Variants in RFC2 observed in about 807,000 individuals in gnomAD.
The protein encoded by RFC2 is A1 40 kDa subunit.
RFC2 carries 34 observed loss-of-function variants against 44.8 expected under a neutral mutation model. That is an observed-to-expected ratio of 0.76 (90% CI 0.58 to 1.01). The LOEUF (loss-of-function observed/expected upper bound fraction) is 1.01, where lower values mean the gene tolerates loss of function less well. RFC2 is among the 50% of genes least tolerant of loss of function. RFC2 has a pLI of 0.00. For synonymous variants in RFC2, 177 were observed against 168.9 expected, an observed-to-expected ratio of 1.05 and a Z score of -0.37; for missense variants, 400 against 453.6, an observed-to-expected ratio of 0.88 and a Z score of 1.07.
intron 10 of RFC2, 30 bp from the exon 11 acceptor site, chr7:74,232,246 TAATAAG>T: frequency 8.3e-7 from 1 of 1,207,132 alleles, no homozygotes; most frequent in Non-Finnish European, 1.2e-6. Flanking sequence ...CAAATCTGGT[TAATAAG>T]TGGGGGAGTT....
intron 5 of RFC2, 147 bp from the exon 6 acceptor site, chr7:74,243,393 A>G (rs1229205079): frequency 1.6e-6 from 1 of 617,242 alleles, no homozygotes; most frequent in African/African-American, 1.8e-5. Flanking sequence ...CTCTAATGCT[A>G]ACACCTGCAG....
chr7:74,235,474 A>G, intron 10 of RFC2, 58 bp downstream of exon 10: 1 of 1,081,164 alleles, frequency 9.2e-7, no homozygotes, highest in Non-Finnish European at 1.4e-6. Context: ...GGCCCACAGC[A>G]CCCGGCCACT....
chr7:74,239,016 A>T (rs781835057), intron 7 of RFC2, 28 bp from the exon 8 acceptor site: 19 of 1,582,912 alleles, frequency 1.2e-5, no homozygotes, highest in Non-Finnish European at 1.4e-5. Flanking sequence ...CATGTCAAGG[A>T]TGATTTTTAT....
chr7:74,254,259 C>G lies in RFC2; in HGVS notation c.113+12G>C, dbSNP rs1554721550. ...TCCAAACGCGCCCATTCTTTACGGC[C>G]TGGGACCTCACCACGGCAGTTCGTA... On this transcript the variant is annotated intron_variant, in intron 1 of 10. Transcript: ENST00000055077. The G allele has an allele frequency of 6.3e-7, 1 of 1,598,924 alleles. No individual in the cohort carries two copies. The highest frequency in any genetic ancestry group is 1.3e-5 in the African/African-American group (1 of 74,664).
At position 74,240,068 on chromosome 7, in the gene RFC2, AGGACTGCACAGCG is replaced by A. The variant is rs1554719033; in HGVS notation, c.550_562del (p.Arg184SerfsTer6). Reference sequence around the variant, plus strand: ...GGCGTCGGTCAGCTTTGTGTACCGGAGGACTGCACAGCGGGACTGAATGGGCTCTGAACAGAGA... The same window carrying A: ...GGCGTCGGTCAGCTTTGTGTACCGGAGGACTGAATGGGCTCTGAACAGAGA... On this transcript the variant is annotated frameshift_variant, in exon 7 of 11. Coordinates refer to ENST00000055077, the MANE Select transcript of RFC2 (RefSeq NM_181471.3). LOFTEE classifies it high-confidence loss of function. 1 of 1,614,040 alleles carries A rather than the reference AGGACTGCACAGCG, an allele frequency of 6.2e-7. No individual in the cohort carries two copies. The highest frequency in any genetic ancestry group is 1.3e-5 in the African/African-American group (1 of 75,022).
chr7:74,233,858 C>G (rs1477747914), intron 10 of RFC2: 1 of 456,448 alleles, frequency 2.2e-6, no homozygotes. Flanking sequence ...TGGGAATGCA[C>G]GTGCTGCAGC....
At chr7:74,240,521 A>AAGAG (rs1261911954) in intron 6 of RFC2, among the ~76,000 whole-genome samples, 59 of 146,956 alleles carry the variant, frequency 4.0e-4, no homozygotes, top group African/African-American at 1.4e-3. Flanking sequence ...AAAAAAAAAA[A>AAGAG]AGAGAGAGAG....
At chr7:74,237,910 G>C (rs538018004) in intron 8 of RFC2, among the ~76,000 whole-genome samples, 166 of 152,288 alleles carry the variant, frequency 1.1e-3, no homozygotes, top group Admixed American at 1.8e-3. Context: ...TACTCCAGCA[G>C]GCAGGTGCAT....
rs951943400 is a variant in RFC2, at chr7:74,238,587, C to T, written c.759+336G>A. On this transcript the variant is annotated intron_variant, in intron 8 of 10. Coordinates refer to ENST00000055077, the MANE Select transcript of RFC2 (RefSeq NM_181471.3). This position sits in a 1 kb window ranked among gnomAD's most constrained non-coding sequence, Gnocchi z 4.0. The stretch of plus-strand genomic sequence containing the variant: ...GGGGCCAGGGGATCCCCTGGGCCCA[C>T]GTCATCACCCACAATGTGATGGTGA... Among the ~76,000 whole-genome samples the T allele has an allele frequency of 2.0e-5, 3 of 152,094 alleles. No individual in the cohort carries two copies. Among genetic ancestry groups the T allele is most frequent in the Non-Finnish European group, 2.9e-5 (2 of 67,996 alleles).
chr7:74,244,545 A>G (rs879951190), intron 5 of RFC2, among the ~76,000 whole-genome samples: 7 of 151,388 alleles, frequency 4.6e-5, no homozygotes, highest in Non-Finnish European at 1.0e-4. Context: ...TAATTTTTAT[A>G]CTTTTAGTAG....
At chr7:74,232,418 T>G (rs940576575) in intron 10 of RFC2, among the ~76,000 whole-genome samples, 2 of 151,184 alleles carry the variant, frequency 1.3e-5, no homozygotes, top group African/African-American at 4.9e-5. Flanking sequence ...TATTTATTTC[T>G]TAAAAGGATG....
At chr7:74,249,660 G>T in intron 3 of RFC2, 79 bp downstream of exon 3, 1 of 1,189,836 alleles carries the variant, frequency 8.4e-7, no homozygotes, top group Non-Finnish European at 1.3e-6. Flanking sequence ...GGGAGGCAGC[G>T]CTGTGCACAA....
At chr7:74,252,920 A>G (rs1787054935) in intron 1 of RFC2, among the ~76,000 whole-genome samples, 1 of 152,236 alleles carries the variant, frequency 6.6e-6, no homozygotes, top group African/African-American at 2.4e-5. Flanking sequence ...CGGGCTACAG[A>G]GTGAGACTCT....
At chr7:74,236,928 C>T (rs1305773876) in intron 9 of RFC2, among the ~76,000 whole-genome samples, 7 of 151,820 alleles carry the variant, frequency 4.6e-5, no homozygotes, top group African/African-American at 1.7e-4. Context: ...CAGTGCATTC[C>T]GGCCTGGGCA....
intron 6 of RFC2, among the ~76,000 whole-genome samples, chr7:74,241,982 G>A (rs1803355805): frequency 6.6e-6 from 1 of 152,094 alleles, no homozygotes; most frequent in African/African-American, 2.4e-5. Context: ...AGAGAAGGAT[G>A]TGAAACCAGC....
intron 10 of RFC2, among the ~76,000 whole-genome samples, chr7:74,233,302 C>T (rs1441437924): frequency 6.6e-6 from 1 of 152,084 alleles, no homozygotes; most frequent in Non-Finnish European, 1.5e-5. Flanking sequence ...CACTTGAGCC[C>T]GGGAGTTCAA....
intron 5 of RFC2, among the ~76,000 whole-genome samples, chr7:74,243,797 C>T (rs1394487998): frequency 4.1e-5 from 6 of 147,746 alleles, no homozygotes; most frequent in African/African-American, 5.0e-5. Context: ...TCTATTTCTA[C>T]AAAAAATTTT....
intron 6 of RFC2, among the ~76,000 whole-genome samples, chr7:74,242,124 G>C (rs887032324): frequency 6.6e-6 from 1 of 152,174 alleles, no homozygotes; most frequent in Non-Finnish European, 1.5e-5. Context: ...CAGGATTTGA[G>C]AGAGGAGCTT....
Position 74,254,276 on chromosome 7 carries a change from C to T in RFC2, c.108G>A (p.Leu36=), listed in dbSNP as rs1787148679. 1.2e-6 allele frequency: 2 copies of T among 1,609,360 alleles called. No homozygotes were observed. Among genetic ancestry groups the T allele is most frequent in the Admixed American group, 1.7e-5 (1 of 59,920 alleles). ...TTTACGGCCTGGGACCTCACCACGG[C>T]AGTTCGTAGTGGCCGGCGCTGCCGG... The part of the protein sequence containing the change: ...KAPGSAGHYE[L]PWVEKYRPVK... Residue 36 remains leucine, a synonymous_variant, in exon 1 of 11, where the codon CTG becomes CTA. Coordinates refer to ENST00000055077, the MANE Select transcript of RFC2 (RefSeq NM_181471.3).
Sources: allele counts gnomAD v4.1 joint callset (sites outside exome capture counted in the v4.1 genomes callset), GRCh38; gene constraint gnomAD v4.1.1; non-coding constraint Gnocchi (gnomAD v3.1); transcripts MANE v1.5; gene names NCBI Gene and HGNC (gene_info 2026-07-23, HGNC 2026-07-21).